The following CIMAP3 variants were observed in gnomAD, a reference collection of about 807,000 sequenced individuals.
CIMAP3 encodes the protein ciliary microtubule-associated protein 3.
chr1:111,333,533 G>T, the CIMAP3 span, among the ~76,000 whole-genome samples: 1 of 152,172 alleles, frequency 6.6e-6, no homozygotes, highest in Non-Finnish European at 1.5e-5. Flanking sequence ...GGGCTCATGA[G>T]GACTGTGGTA....
chr1:111,350,208 A>G, the CIMAP3 span: 2 of 1,611,500 alleles, frequency 1.2e-6, no homozygotes, highest in South Asian at 1.1e-5. Flanking sequence ...TACAGAAAAG[A>G]ACCCTAAAAG....
the CIMAP3 span, among the ~76,000 whole-genome samples, chr1:111,340,543 G>A: frequency 0.077 from 11,719 of 151,812 alleles, 575 homozygotes; most frequent in African/African-American, 0.13. Flanking sequence ...AAAAGTGGGC[G>A]AAGGACATGA....
At chr1:111,350,026 C>G in the CIMAP3 span, 1 of 1,130,742 alleles carries the variant, frequency 8.8e-7, no homozygotes, top group Non-Finnish European at 1.3e-6. Flanking sequence ...TAGGCCTAGT[C>G]CAGGGACGGC....
At chr1:111,333,234 C>T in the CIMAP3 span, among the ~76,000 whole-genome samples, 1 of 152,202 alleles carries the variant, frequency 6.6e-6, no homozygotes, top group Non-Finnish European at 1.5e-5. Context: ...GGTTTCCCTG[C>T]TGTGCAGGAC....
the CIMAP3 span, among the ~76,000 whole-genome samples, chr1:111,335,315 G>T: frequency 6.6e-6 from 1 of 152,064 alleles, no homozygotes; most frequent in South Asian, 2.1e-4. Flanking sequence ...GAGGTACCGG[G>T]TTCATCTCAC....
chr1:111,336,102 G>C, the CIMAP3 span, among the ~76,000 whole-genome samples: 2 of 152,318 alleles, frequency 1.3e-5, no homozygotes, highest in East Asian at 3.9e-4. Context: ...GTCTGGAGTG[G>C]ACCTCTAGCA....
the CIMAP3 span, chr1:111,347,872 C>A: frequency 2.5e-6 from 2 of 813,740 alleles, no homozygotes; most frequent in Middle Eastern, 2.5e-4. Flanking sequence ...AAAGAATATG[C>A]CCTGAAATTA....
the CIMAP3 span, chr1:111,347,034 G>T: frequency 6.2e-7 from 1 of 1,612,560 alleles, no homozygotes; most frequent in Non-Finnish European, 8.5e-7. Context: ...GAGGGCCTGG[G>T]TGTTATTTTT....
At chr1:111,347,606 G>A in the CIMAP3 span, 1 of 1,003,498 alleles carries the variant, frequency 1.0e-6, no homozygotes, top group African/African-American at 1.7e-5. Context: ...CTCTGACTAT[G>A]CGTTGTTTTT....
the CIMAP3 span, among the ~76,000 whole-genome samples, chr1:111,339,953 C>A: frequency 2.6e-5 from 4 of 151,710 alleles, no homozygotes; most frequent in African/African-American, 9.8e-5. Flanking sequence ...TGACTTCAAA[C>A]TATACTACAA....
chr1:111,351,444 A>G, the CIMAP3 span: 1 of 798,376 alleles, frequency 1.3e-6, no homozygotes, highest in Non-Finnish European at 2.0e-6. Context: ...CCTGGAGCCC[A>G]GGGAGGGACA....
At chr1:111,327,023 T>C in the CIMAP3 span, among the ~76,000 whole-genome samples, 5 of 152,302 alleles carry the variant, frequency 3.3e-5, no homozygotes, top group Non-Finnish European at 7.4e-5. Context: ...GCAAATATTT[T>C]CTCCCATTCA....
At chr1:111,347,651 G>GT in the CIMAP3 span, 1 of 803,018 alleles carries the variant, frequency 1.2e-6, no homozygotes, top group Non-Finnish European at 1.8e-6. Flanking sequence ...GTTTTTGTTT[G>GT]TTTTTTAATA....
At chr1:111,351,555 T>C in the CIMAP3 span, 1 of 375,628 alleles carries the variant, frequency 2.7e-6, no homozygotes, top group Admixed American at 4.2e-5. Context: ...TCTGTGGGTT[T>C]CTGTTGGGTG....
At chr1:111,351,653 C>A in the CIMAP3 span, 239 of 203,458 alleles carry the variant, frequency 1.2e-3, 2 homozygotes, top group African/African-American at 4.1e-3. Flanking sequence ...ATATATTCTA[C>A]CACTAGCCCT....
At chr1:111,331,713 G>T in the CIMAP3 span, among the ~76,000 whole-genome samples, 1 of 151,720 alleles carries the variant, frequency 6.6e-6, no homozygotes, top group Non-Finnish European at 1.5e-5. Flanking sequence ...CTTGTGATTG[G>T]GGTCTTTTAC....
At chr1:111,342,325 C>T in the CIMAP3 span, among the ~76,000 whole-genome samples, 1 of 152,238 alleles carries the variant, frequency 6.6e-6, no homozygotes, top group Non-Finnish European at 1.5e-5. Context: ...GTGGCCATGT[C>T]TAAGTTCTGT....
the CIMAP3 span, chr1:111,350,176 G>C: frequency 6.2e-7 from 1 of 1,614,080 alleles, no homozygotes; most frequent in Non-Finnish European, 8.5e-7. Flanking sequence ...TGGATCTCCA[G>C]ACTGGGCTCA....
At chr1:111,352,939 T>C in the CIMAP3 span, 2 of 152,188 alleles carry the variant, frequency 1.3e-5, no homozygotes, top group Admixed American at 6.5e-5. Context: ...AATTTTAATA[T>C]AGCTTCAGTT....
Sources: gnomAD v4.1 joint callset for allele counts (sites outside exome capture counted in the v4.1 genomes callset) on GRCh38, gnomAD v4.1.1 for gene constraint, MANE v1.5 for transcripts, NCBI Gene and HGNC (gene_info 2026-07-23, HGNC 2026-07-21) for gene names.